Variants in IFNAR1 observed in about 807,000 individuals in gnomAD.
The protein encoded by IFNAR1 is interferon alpha and beta receptor subunit 1.
In IFNAR1, 47 loss-of-function variants were observed where a neutral mutation model predicts 62.1. That is an observed-to-expected ratio of 0.76 (90% CI 0.60 to 0.97). The LOEUF (loss-of-function observed/expected upper bound fraction) is 0.97, where lower values mean the gene tolerates loss of function less well. Ranked by LOEUF, IFNAR1 falls within the 50% of genes least tolerant of loss-of-function variation. The pLI, the probability that IFNAR1 is intolerant of heterozygous loss-of-function variation, is 0.00. For synonymous variants in IFNAR1, 219 were observed against 226.9 expected (o/e 0.97, Z 0.31); for missense variants, 638 against 654.5 (o/e 0.97, Z 0.27).
chr21:33,354,386 A>G (rs2083428776), intron 10 of IFNAR1, among the ~76,000 whole-genome samples: 1 of 152,204 alleles, frequency 6.6e-6, no homozygotes. Flanking sequence ...CTCAGTACAG[A>G]CAGTCCCAAA....
At chr21:33,328,506 T>G (rs1420164116) in intron 1 of IFNAR1, among the ~76,000 whole-genome samples, 1 of 152,216 alleles carries the variant, frequency 6.6e-6, no homozygotes, top group Non-Finnish European at 1.5e-5. Context: ...TACGTAACTA[T>G]CTACTTTTTC....
At position 33,325,049 on chromosome 21, in the gene IFNAR1, C is replaced by T. The variant is rs1390028712; in HGVS notation, c.-7C>T. Reference sequence around the variant, plus strand: ...ATGTAACTGGTGGGATCTGCGGCGGCTCCCAGATGATGGTCGTCCTCCTGG... The same window carrying T: ...ATGTAACTGGTGGGATCTGCGGCGGTTCCCAGATGATGGTCGTCCTCCTGG... On this transcript the variant is annotated 5_prime_UTR_variant, in exon 1 of 11. Transcript: ENST00000270139. 6.3e-7 allele frequency: 1 copy of T among 1,595,238 alleles called. No individual in the cohort carries two copies. Among genetic ancestry groups the T allele is most frequent in the Non-Finnish European group, 8.5e-7 (1 of 1,172,150 alleles).
At chr21:33,335,189 A>C (rs2083221537) in intron 1 of IFNAR1, 1 of 523,182 alleles carries the variant, frequency 1.9e-6, no homozygotes, top group Non-Finnish European at 3.5e-6. Context: ...GCCATAAAAC[A>C]GTTGAACCTC....
At chr21:33,338,546 A>C (rs1049790996) in intron 2 of IFNAR1, among the ~76,000 whole-genome samples, 1 of 148,028 alleles carries the variant, frequency 6.8e-6, no homozygotes, top group East Asian at 1.9e-4. Flanking sequence ...AAAAAAAAAA[A>C]CCCAACAAAT....
Position 33,349,533 on chromosome 21 carries a change from C to T in IFNAR1, c.1133C>T (p.Ser378Leu), listed in dbSNP as rs1305405513. The T allele has an allele frequency of 1.2e-6, 2 of 1,600,214 alleles. No homozygotes were observed. Among genetic ancestry groups the T allele is most frequent in the Non-Finnish European group, 1.7e-6 (2 of 1,170,940 alleles). The change falls in exon 8 of 11, where the codon TCA (serine) becomes TTA (leucine). Residue 378 changes from serine to leucine, a missense_variant. Ser to Leu is a moderately radical substitution (Grantham distance 145, BLOSUM62 -2). Coordinates refer to ENST00000270139, the MANE Select transcript of IFNAR1 (RefSeq NM_000629.3). ...GAAATTATTTTTTGGGAAAACACTTCAAATGCTGAGGTAAAAAGACTGTAT... is the reference window on the plus strand; with the variant it reads ...GAAATTATTTTTTGGGAAAACACTTTAAATGCTGAGGTAAAAAGACTGTAT... ...IYEIIFWENT[S>L]NAERKIIEKK...
rs760386821 is a variant in IFNAR1, at chr21:33,349,384, T to C, written c.989-5T>C. 6.3e-7 allele frequency: 1 copy of C among 1,580,204 alleles called. No individual in the cohort carries two copies. Among genetic ancestry groups the C allele is most frequent in the South Asian group, 1.2e-5 (1 of 85,212 alleles). On this transcript the variant is annotated splice_region_variant and splice_polypyrimidine_tract_variant and intron_variant, in intron 7 of 10. Coordinates refer to ENST00000270139, the MANE Select transcript of IFNAR1 (RefSeq NM_000629.3). ...GAACATTATTTCTTTACAAATTTTT[T>C]CTAGCTTTCCTACTTCCTCCAGTCT...
chr21:33,336,723 T>C (rs1428597250), intron 2 of IFNAR1, among the ~76,000 whole-genome samples: 1 of 151,092 alleles, frequency 6.6e-6, no homozygotes, highest in East Asian at 1.9e-4. Flanking sequence ...CTCCATGATA[T>C]ACTATATTTT....
Position 33,355,600 on chromosome 21 carries a change from G to T in IFNAR1, c.*51G>T, listed in dbSNP as rs780182800. On this transcript the variant is annotated 3_prime_UTR_variant, in exon 11 of 11. Transcript: ENST00000270139. Reference sequence around the variant, plus strand: ...AGGTTTTTCAGCAGGAGTTACACTGGGAGCCTGAGGTCCTCACCTTCCTCT... The same window carrying T: ...AGGTTTTTCAGCAGGAGTTACACTGTGAGCCTGAGGTCCTCACCTTCCTCT... 4.2e-6 allele frequency: 4 copies of T among 945,574 alleles called. No homozygotes were observed. Among genetic ancestry groups the T allele is most frequent in the African/African-American group, 1.7e-5 (1 of 60,238 alleles). The allele number at this position is 945,574 out of a possible 1,614,324, so 58.6% of individuals were successfully genotyped here.
chr21:33,326,431 C>T (rs1445997753), intron 1 of IFNAR1, among the ~76,000 whole-genome samples: 14 of 152,116 alleles, frequency 9.2e-5, no homozygotes, highest in South Asian at 4.1e-4. Flanking sequence ...TCTCGAACTC[C>T]TGACCTCAAA....
At chr21:33,327,534 G>A (rs890161969) in intron 1 of IFNAR1, among the ~76,000 whole-genome samples, 11 of 152,196 alleles carry the variant, frequency 7.2e-5, no homozygotes, top group Non-Finnish European at 1.6e-4. Context: ...CCTGAGTCTG[G>A]ACTAATAGCC....
At chr21:33,328,565 A>G (rs780740328) in intron 1 of IFNAR1, among the ~76,000 whole-genome samples, 3 of 152,232 alleles carry the variant, frequency 2.0e-5, no homozygotes, top group Non-Finnish European at 4.4e-5. Context: ...TTACAGCTCA[A>G]GCTGATCCTG....
chr21:33,335,205 A>G, intron 1 of IFNAR1: 4 of 483,534 alleles, frequency 8.3e-6, no homozygotes, highest in Non-Finnish European at 1.5e-5. Flanking sequence ...ACCTCATCAT[A>G]AGAGTGACTC....
At chr21:33,338,448 C>T (rs951173187) in intron 2 of IFNAR1, among the ~76,000 whole-genome samples, 7 of 147,330 alleles carry the variant, frequency 4.8e-5, no homozygotes, top group Admixed American at 4.1e-4. Context: ...GCAGGAGAAT[C>T]GCTTGAACCC....
At chr21:33,335,740 GT>G (rs2083227822) in intron 2 of IFNAR1, 93 bp downstream of exon 2, 1 of 1,102,266 alleles carries the variant, frequency 9.1e-7, no homozygotes, top group Non-Finnish European at 1.3e-6. Flanking sequence ...AAAGTGTTTG[GT>G]TTTTCTATTT....
At chr21:33,346,181 AAG>A (rs2083344223) in intron 6 of IFNAR1, among the ~76,000 whole-genome samples, 1 of 152,152 alleles carries the variant, frequency 6.6e-6, no homozygotes, top group African/African-American at 2.4e-5. Flanking sequence ...GAATAGAGAA[AAG>A]AGAAGAGGAA....
intron 3 of IFNAR1, among the ~76,000 whole-genome samples, chr21:33,342,795 T>C (rs1197077105): frequency 6.6e-6 from 1 of 151,552 alleles, no homozygotes; most frequent in Non-Finnish European, 1.5e-5. Context: ...AGGCGGAGCT[T>C]GCAGTGAGCC....
intron 1 of IFNAR1, among the ~76,000 whole-genome samples, chr21:33,326,944 G>C (rs1158747492): frequency 6.6e-6 from 1 of 152,136 alleles, no homozygotes. Context: ...GTAGTGAGGA[G>C]GGGTACCCAA....
At chr21:33,332,875 A>T (rs2083195127) in intron 1 of IFNAR1, among the ~76,000 whole-genome samples, 1 of 152,212 alleles carries the variant, frequency 6.6e-6, no homozygotes, top group South Asian at 2.1e-4. Context: ...TAAAGGAACA[A>T]ACGTTCATAC....
At chr21:33,343,766 T>C in intron 5 of IFNAR1, 90 bp downstream of exon 5, 1 of 755,896 alleles carries the variant, frequency 1.3e-6, no homozygotes. Flanking sequence ...GTTTACATGA[T>C]AGGTCAATAT....
Sources: allele counts gnomAD v4.1 joint callset (sites outside exome capture counted in the v4.1 genomes callset), GRCh38; gene constraint gnomAD v4.1.1; transcripts MANE v1.5; gene names NCBI Gene and HGNC (gene_info 2026-07-23, HGNC 2026-07-21).